The following SYNE2 variants were observed in gnomAD, a reference collection of about 807,000 sequenced individuals.
The protein encoded by SYNE2 is nesprin-2.
A neutral mutation model predicts 856.3 loss-of-function variants in SYNE2; 431 were observed. That is an observed-to-expected ratio of 0.50 (90% CI 0.47 to 0.55). The LOEUF (loss-of-function observed/expected upper bound fraction) is 0.55, where lower values mean the gene tolerates loss of function less well. SYNE2 is among the 20% of genes least tolerant of loss of function. SYNE2 has a pLI of 0.00. For synonymous variants in SYNE2, 2,923 were observed against 2,872.3 expected, an observed-to-expected ratio of 1.02 and a Z score of -0.56; for missense variants, 8,129 against 8,023.2, an observed-to-expected ratio of 1.01 and a Z score of -0.50.
At chr14:64,019,282 A>AG (rs1311971663) in intron 34 of SYNE2, among the ~76,000 whole-genome samples, 1 of 151,776 alleles carries the variant, frequency 6.6e-6, no homozygotes, top group Non-Finnish European at 1.5e-5. Context: ...CAAAAAAAAA[A>AG]AAAAATTTGT....
intron 84 of SYNE2, among the ~76,000 whole-genome samples, chr14:64,149,781 C>T (rs918123857): frequency 2.6e-5 from 4 of 151,932 alleles, no homozygotes; most frequent in African/African-American, 9.7e-5. Context: ...TTAATTCCAC[C>T]CTGATTTATG....
intron 49 of SYNE2, among the ~76,000 whole-genome samples, chr14:64,059,616 C>G (rs2097300620): frequency 1.3e-5 from 2 of 152,238 alleles, no homozygotes; most frequent in Non-Finnish European, 2.9e-5. Context: ...TGAATCAGAC[C>G]TGAAGTCAGC....
chr14:63,908,824 C>G (rs1447908377), intron 1 of SYNE2, among the ~76,000 whole-genome samples: 1 of 152,188 alleles, frequency 6.6e-6, no homozygotes, highest in Non-Finnish European at 1.5e-5. Flanking sequence ...CCTGGCCTTC[C>G]TTTTCACCAC....
At chr14:64,202,999 G>A (rs374328747) in intron 100 of SYNE2, 36 bp downstream of exon 100, 133 of 1,611,642 alleles carry the variant, frequency 8.3e-5, no homozygotes, top group Non-Finnish European at 1.1e-4. Flanking sequence ...GCAAGAGTAC[G>A]GTGTCCGCGA....
intron 1 of SYNE2, among the ~76,000 whole-genome samples, chr14:63,888,751 G>A (rs1326424285): frequency 6.6e-6 from 1 of 152,192 alleles, no homozygotes; most frequent in Non-Finnish European, 1.5e-5. Context: ...TGTTTTAGGA[G>A]ACTAATCCTT....
intron 45 of SYNE2, among the ~76,000 whole-genome samples, chr14:64,031,959 A>T (rs1266368558): frequency 2.0e-5 from 3 of 152,216 alleles, no homozygotes; most frequent in African/African-American, 7.2e-5. Flanking sequence ...TTGAAATGGG[A>T]ATCGCACAAA....
rs1378368038 is a variant in SYNE2 at position 64,208,864 on chromosome 14, G to A, written c.18308G>A (p.Cys6103Tyr). 2 of 1,614,230 alleles carry A rather than the reference G, an allele frequency of 1.2e-6. No homozygotes were observed. Among genetic ancestry groups the A allele is most frequent in the Non-Finnish European group, 1.7e-6 (2 of 1,180,030 alleles). Residue 6103 changes from cysteine (C) to tyrosine (Y), a missense_variant, in exon 101 of 116, where the codon TGT (cysteine) becomes TAT (tyrosine). By Grantham distance (194) the Cys-to-Tyr change is radical. Coordinates refer to ENST00000555002, the MANE Select transcript of SYNE2 (RefSeq NM_182914.3). ...GATGCCTGTGCAAATGAGACCGAGT[G>A]TGACTCGATCCAGCAGACCACCAGG... Reference protein sequence around the residue: ...DSDACANETECDSIQQTTRSL... With the variant: ...DSDACANETEYDSIQQTTRSL...
intron 7 of SYNE2, among the ~76,000 whole-genome samples, chr14:63,952,533 G>A (rs1205612727): frequency 3.3e-5 from 5 of 152,208 alleles, no homozygotes; most frequent in South Asian, 2.1e-4. Flanking sequence ...CAGAGTACCC[G>A]GATTTGAAGT....
intron 2 of SYNE2, among the ~76,000 whole-genome samples, chr14:63,921,555 T>C (rs1446650573): frequency 6.6e-6 from 1 of 150,496 alleles, no homozygotes; most frequent in Admixed American, 6.6e-5. Context: ...AGAAGGAGAG[T>C]ATTTAAAAAA....
intron 95 of SYNE2, 72 bp from the exon 96 acceptor site, chr14:64,177,286 T>C (rs1341619487): frequency 3.2e-6 from 5 of 1,557,160 alleles, no homozygotes; most frequent in Non-Finnish European, 4.4e-6. Context: ...GTGGATTAAA[T>C]GAGCTATTCT....
intron 45 of SYNE2, among the ~76,000 whole-genome samples, chr14:64,045,287 T>C (rs966148703): frequency 6.6e-6 from 1 of 152,184 alleles, no homozygotes; most frequent in Non-Finnish European, 1.5e-5. Flanking sequence ...AAATAATGCT[T>C]TACTGTTGTG....
At chr14:63,847,381 C>T (rs948472329) in intron 1 of SYNE2, among the ~76,000 whole-genome samples, 5 of 151,826 alleles carry the variant, frequency 3.3e-5, no homozygotes, top group Non-Finnish European at 5.9e-5. Context: ...CACTTGAGCC[C>T]AGGAGGTCGA....
At chr14:64,173,029 T>C (rs961624618) in intron 94 of SYNE2, among the ~76,000 whole-genome samples, 3 of 152,206 alleles carry the variant, frequency 2.0e-5, no homozygotes, top group Non-Finnish European at 2.9e-5. Flanking sequence ...CTGGGTCTTC[T>C]TTTCTGCAAT....
chr14:63,864,059 C>G (rs932954679), intron 1 of SYNE2, among the ~76,000 whole-genome samples: 24 of 152,126 alleles, frequency 1.6e-4, no homozygotes, highest in Admixed American at 1.6e-3. Flanking sequence ...GTGATCCACC[C>G]GCCTCAGCCT....
intron 1 of SYNE2, among the ~76,000 whole-genome samples, chr14:63,901,637 T>C (rs2153324752): frequency 6.6e-6 from 1 of 152,250 alleles, no homozygotes; most frequent in African/African-American, 2.4e-5. Flanking sequence ...TTCAAAATAG[T>C]TTGTCAGCTG....
intron 60 of SYNE2, among the ~76,000 whole-genome samples, chr14:64,092,206 T>C (rs753042009): frequency 4.6e-5 from 7 of 152,252 alleles, no homozygotes; most frequent in Non-Finnish European, 8.8e-5. Flanking sequence ...TGCTTTCAAG[T>C]GGCTTCTTCA....
chr14:64,093,239 G>A, intron 60 of SYNE2, 110 bp from the exon 61 acceptor site: 6 of 1,224,384 alleles, frequency 4.9e-6, no homozygotes, highest in South Asian at 1.3e-5. Flanking sequence ...CTCAATGGGT[G>A]CATATTTGCT....
At chr14:64,202,594 C>G (rs1293769572) in intron 99 of SYNE2, among the ~76,000 whole-genome samples, 1 of 152,170 alleles carries the variant, frequency 6.6e-6, no homozygotes, top group African/African-American at 2.4e-5. Context: ...TCAACAGAGG[C>G]AACAGCCTTG....
At chr14:63,809,030 GAACA>G (rs1204885946) in intron 1 of SYNE2, among the ~76,000 whole-genome samples, 1 of 152,068 alleles carries the variant, frequency 6.6e-6, no homozygotes, top group African/African-American at 2.4e-5. Context: ...TCTCAAAAAT[GAACA>G]AACAAACGAG....
Sources: allele counts gnomAD v4.1 joint callset (sites outside exome capture counted in the v4.1 genomes callset), GRCh38; gene constraint gnomAD v4.1.1; transcripts MANE v1.5; gene names NCBI Gene and HGNC (gene_info 2026-07-23, HGNC 2026-07-21).